Variants in DAAM1 observed in about 807,000 individuals in gnomAD.
DAAM1 encodes the protein disheveled-associated activator of morphogenesis 1.
DAAM1 carries 52 observed loss-of-function variants against 130.0 expected under a neutral mutation model. The observed-to-expected ratio is 0.40, with a 90% confidence interval of 0.32 to 0.50. The LOEUF is 0.50. Ranked by LOEUF, DAAM1 falls within the 20% of genes least tolerant of loss-of-function variation. The pLI, the probability that DAAM1 is intolerant of heterozygous loss-of-function variation, is 0.61. For synonymous variants in DAAM1, 452 were observed against 444.5 expected (o/e 1.02, Z -0.21); for missense variants, 1,134 against 1,303.8 (o/e 0.87, Z 2.01).
intron 1 of DAAM1, among the ~76,000 whole-genome samples, chr14:59,190,376 C>T (rs2139374259): frequency 6.6e-6 from 1 of 152,270 alleles, no homozygotes; most frequent in African/African-American, 2.4e-5. Flanking sequence ...CATCATTTCC[C>T]CAATAAGGTA....
chr14:59,287,945 G>C (rs1579663), intron 2 of DAAM1, among the ~76,000 whole-genome samples: 3 of 152,070 alleles, frequency 2.0e-5, no homozygotes, highest in African/African-American at 7.3e-5. Flanking sequence ...TAGAACCAAA[G>C]AGGAGCACGG....
At position 59,325,951 on chromosome 14, in the gene DAAM1, G is replaced by C; in HGVS notation, c.1057-9G>C. The C allele has an allele frequency of 6.2e-7, 1 of 1,612,612 alleles. No homozygotes were observed. Among genetic ancestry groups the C allele is most frequent in the African/African-American group, 1.3e-5 (1 of 75,008 alleles). ...ATGTTTGATTTGATTTCTTTTTCCT[G>C]TGAAATAGGTTCACATAGACACAAA... On this transcript the variant is annotated splice_polypyrimidine_tract_variant and intron_variant, in intron 9 of 24. Transcript: ENST00000360909.
chr14:59,265,209 A>G, intron 2 of DAAM1: 1 of 152,214 alleles, frequency 6.6e-6, no homozygotes, highest in East Asian at 1.9e-4. Flanking sequence ...CCAATATGAG[A>G]GAGGTTATGA....
intron 12 of DAAM1, among the ~76,000 whole-genome samples, chr14:59,327,599 G>A (rs1390719446): frequency 2.6e-5 from 4 of 151,680 alleles, no homozygotes; most frequent in African/African-American, 9.7e-5. Flanking sequence ...ATTAGAGATG[G>A]GGTTTCACTA....
chr14:59,338,767 T>C (rs781449829), intron 15 of DAAM1, among the ~76,000 whole-genome samples: 5 of 152,156 alleles, frequency 3.3e-5, no homozygotes, highest in Admixed American at 6.5e-5. Context: ...TTTTTCCTCC[T>C]AATTCCTGAG....
chr14:59,341,706 A>G (rs1445193988), intron 16 of DAAM1, among the ~76,000 whole-genome samples: 1 of 152,234 alleles, frequency 6.6e-6, no homozygotes, highest in Non-Finnish European at 1.5e-5. Flanking sequence ...AGACTGCTGT[A>G]CAGTGTAAAC....
chr14:59,282,801 A>AT (rs1435774891), intron 2 of DAAM1, among the ~76,000 whole-genome samples: 2 of 152,216 alleles, frequency 1.3e-5, no homozygotes, highest in African/African-American at 4.8e-5. Flanking sequence ...ATAAAACACT[A>AT]CTATTAAGAA....
chr14:59,320,805 T>C (rs1884977471), intron 5 of DAAM1, among the ~76,000 whole-genome samples: 1 of 151,922 alleles, frequency 6.6e-6, no homozygotes, highest in Non-Finnish European at 1.5e-5. Flanking sequence ...ACTTTAACAA[T>C]GGTAAGTTAG....
chr14:59,346,962 T>C (rs1886106310), intron 16 of DAAM1, among the ~76,000 whole-genome samples: 1 of 152,216 alleles, frequency 6.6e-6, no homozygotes, highest in Non-Finnish European at 1.5e-5. Context: ...TTGTGGTTAC[T>C]GTCGTTTTTT....
chr14:59,351,137 G>A (rs1050456107), intron 17 of DAAM1, among the ~76,000 whole-genome samples: 3 of 150,750 alleles, frequency 2.0e-5, no homozygotes, highest in Non-Finnish European at 3.0e-5. Context: ...AAGCCCAGGC[G>A]TCATCTTTGA....
In DAAM1 at chr14:59,287,114, T is replaced by C. The variant is rs561149125; in HGVS notation, c.184-4103T>C. ...AATCAAGTAGGCTTTATTCCTGATA[T>C]GCAAAGTTGGTTTAACATATGCCAA... On this transcript the variant is annotated intron_variant, in intron 2 of 24. Transcript: ENST00000360909. Among the ~76,000 whole-genome samples the C allele has an allele frequency of 1.6e-3, 249 of 152,348 alleles. 1 individual carries two copies. The highest frequency in any genetic ancestry group is 2.7e-3 in the Non-Finnish European group (185 of 68,038).
At chr14:59,329,616 T>C (rs1309181337) in intron 12 of DAAM1, among the ~76,000 whole-genome samples, 1 of 152,190 alleles carries the variant, frequency 6.6e-6, no homozygotes, top group Non-Finnish European at 1.5e-5. Context: ...AGAATAGGAA[T>C]TGGGGACATG....
intron 3 of DAAM1, among the ~76,000 whole-genome samples, chr14:59,291,747 C>T (rs772888710): frequency 1.3e-5 from 2 of 152,160 alleles, no homozygotes; most frequent in Non-Finnish European, 2.9e-5. Context: ...ATGTTCCAAA[C>T]CAGCGATGGA....
chr14:59,360,918 T>A (rs1886682302), intron 22 of DAAM1, 56 bp downstream of exon 22: 3 of 1,540,682 alleles, frequency 1.9e-6, no homozygotes, highest in Non-Finnish European at 2.7e-6. Context: ...TCTCTAGTGC[T>A]GGTGGTTTTC....
intron 3 of DAAM1, among the ~76,000 whole-genome samples, chr14:59,298,338 A>ATC (rs78725598): frequency 0.066 from 10,002 of 152,012 alleles, 424 homozygotes; most frequent in Non-Finnish European, 0.097. Flanking sequence ...GTCCAGCTCA[A>ATC]TCTCTCTCTC....
intron 20 of DAAM1, chr14:59,357,409 G>C (rs1335584398): frequency 6.6e-6 from 1 of 152,160 alleles, no homozygotes; most frequent in Non-Finnish European, 1.5e-5. Flanking sequence ...GATGGTGGCT[G>C]GCATTTTGCT....
chr14:59,347,724 A>G, intron 17 of DAAM1, 101 bp downstream of exon 17: 1 of 1,153,280 alleles, frequency 8.7e-7, no homozygotes, highest in Middle Eastern at 2.0e-4. Flanking sequence ...TCATTTCCTC[A>G]TCTATGAATT....
At chr14:59,338,589 G>A (rs576786174) in intron 15 of DAAM1, among the ~76,000 whole-genome samples, 64 of 152,110 alleles carry the variant, frequency 4.2e-4, no homozygotes, top group African/African-American at 1.4e-3. Context: ...CTAGAGGTTC[G>A]CCTGAAATTT....
intron 23 of DAAM1, among the ~76,000 whole-genome samples, chr14:59,364,759 C>G (rs1326508454): frequency 6.6e-6 from 1 of 152,174 alleles, no homozygotes; most frequent in Non-Finnish European, 1.5e-5. Flanking sequence ...GTAGGCTGTT[C>G]ACATGCATTA....
Sources: gnomAD v4.1 joint callset for allele counts (sites outside exome capture counted in the v4.1 genomes callset) on GRCh38, gnomAD v4.1.1 for gene constraint, MANE v1.5 for transcripts, NCBI Gene and HGNC (gene_info 2026-07-23, HGNC 2026-07-21) for gene names.